TANGO6: variants seen among roughly 807,000 people sequenced by gnomAD.
TANGO6 encodes the protein transport and Golgi organization protein 6 homolog.
In TANGO6, 90 loss-of-function variants were observed where a neutral mutation model predicts 114.2. The ratio of observed to expected loss-of-function variants is 0.79; its 90% CI spans 0.66 to 0.94. The LOEUF is 0.94. TANGO6 is among the 40% of genes least tolerant of loss of function. The probability of loss-of-function intolerance (pLI) is 0.00; values close to 1 mark genes in which losing one functional copy is unlikely to be tolerated. For synonymous variants in TANGO6, 477 were observed against 509.8 expected, an observed-to-expected ratio of 0.94 and a Z score of 0.87; for missense variants, 1,274 against 1,315.3, an observed-to-expected ratio of 0.97 and a Z score of 0.49.
chr16:68,922,260 G>A (rs1348290624), intron 12 of TANGO6, among the ~76,000 whole-genome samples: 7 of 151,676 alleles, frequency 4.6e-5, no homozygotes, highest in Non-Finnish European at 7.4e-5. Context: ...AAAAAAGGCC[G>A]GGCGCGGTGG....
chr16:68,979,226 A>G (rs1243888294), intron 15 of TANGO6, among the ~76,000 whole-genome samples: 1 of 151,564 alleles, frequency 6.6e-6, no homozygotes, highest in African/African-American at 2.4e-5. Flanking sequence ...AGCCTGAAGT[A>G]TATGAATTTT....
intron 14 of TANGO6, among the ~76,000 whole-genome samples, chr16:68,962,245 TAAC>T (rs1410648758): frequency 6.6e-6 from 1 of 152,196 alleles, no homozygotes; most frequent in African/African-American, 2.4e-5. Context: ...CTCACATACG[TAAC>T]AACTGAAGTA....
chr16:69,030,107 C>CAAA (rs529117472), intron 16 of TANGO6, among the ~76,000 whole-genome samples: 15 of 62,470 alleles, frequency 2.4e-4, no homozygotes, highest in African/African-American at 8.2e-4. Context: ...GACTCTGACT[C>CAAA]AAAAAAAAAA....
At chr16:68,953,409 T>C (rs1168148838) in intron 14 of TANGO6, among the ~76,000 whole-genome samples, 1 of 152,158 alleles carries the variant, frequency 6.6e-6, no homozygotes, top group East Asian at 1.9e-4. Flanking sequence ...AGCACTGCTA[T>C]GTTTGAGGGT....
chr16:69,082,051 T>C (rs1315890372), intron 17 of TANGO6, among the ~76,000 whole-genome samples: 4 of 152,116 alleles, frequency 2.6e-5, no homozygotes, highest in Non-Finnish European at 4.4e-5. Context: ...CTCGGCTCAC[T>C]GGGCTCACTG....
chr16:69,004,833 G>A (rs957773402), intron 15 of TANGO6, among the ~76,000 whole-genome samples: 8 of 152,098 alleles, frequency 5.3e-5, no homozygotes, highest in East Asian at 3.8e-4. Flanking sequence ...CTTTCTATCC[G>A]GTTGTCTCCC....
intron 17 of TANGO6, among the ~76,000 whole-genome samples, chr16:69,065,126 G>C (rs1429650249): frequency 2.6e-5 from 4 of 152,186 alleles, no homozygotes; most frequent in Non-Finnish European, 5.9e-5. Context: ...TGGGGGTGTA[G>C]GAAAGCTGCC....
intron 14 of TANGO6, among the ~76,000 whole-genome samples, chr16:68,968,211 G>A (rs765228258): frequency 6.6e-5 from 10 of 150,822 alleles, no homozygotes; most frequent in African/African-American, 1.2e-4. Context: ...GACTACAGGC[G>A]CACGCCACCA....
chr16:69,001,714 C>A (rs1210118539), intron 15 of TANGO6, among the ~76,000 whole-genome samples: 2 of 152,192 alleles, frequency 1.3e-5, no homozygotes, highest in Non-Finnish European at 2.9e-5. Flanking sequence ...ACCATGGGAC[C>A]AGACAATGCA....
chr16:69,043,982 G>A lies in TANGO6; in HGVS notation c.3108+3561G>A, dbSNP rs186152499. Reference sequence around the variant, plus strand: ...GGAAACATCAACGCCCCTAACTCATGAGGCAGTTTTTACCTCTTTCCCATT... The same window carrying A: ...GGAAACATCAACGCCCCTAACTCATAAGGCAGTTTTTACCTCTTTCCCATT... On this transcript the variant is annotated intron_variant, in intron 17 of 17. Coordinates refer to ENST00000261778, the MANE Select transcript of TANGO6 (RefSeq NM_024562.2). Among the ~76,000 whole-genome samples the A allele has an allele frequency of 8.5e-5, 13 of 152,326 alleles. No individual in the cohort carries two copies. The East Asian group carries it at 2.1e-3, about 25-fold the overall frequency.
intron 7 of TANGO6, among the ~76,000 whole-genome samples, chr16:68,895,697 T>A (rs1962694509): frequency 6.6e-6 from 1 of 152,220 alleles, no homozygotes; most frequent in Non-Finnish European, 1.5e-5. Context: ...GGCAGGCTTA[T>A]GGAGGAGGCA....
intron 17 of TANGO6, among the ~76,000 whole-genome samples, chr16:69,045,960 A>AGGCT (rs1198315079): frequency 1.3e-5 from 2 of 148,678 alleles, no homozygotes; most frequent in Non-Finnish European, 3.0e-5. Context: ...GCTACTCAGG[A>AGGCT]GGCTGAGGCA....
chr16:69,069,911 A>T (rs1960270769), intron 17 of TANGO6, among the ~76,000 whole-genome samples: 1 of 152,110 alleles, frequency 6.6e-6, no homozygotes, highest in African/African-American at 2.4e-5. Context: ...GTTTATTAAG[A>T]AAATAAAGTA....
chr16:69,012,682 A>C (rs2152224690), intron 15 of TANGO6, among the ~76,000 whole-genome samples: 1 of 152,046 alleles, frequency 6.6e-6, no homozygotes. Flanking sequence ...TCTGTAATGA[A>C]TGCTTTCTGA....
At chr16:68,973,478 G>A (rs2152212816) in intron 14 of TANGO6, among the ~76,000 whole-genome samples, 1 of 152,258 alleles carries the variant, frequency 6.6e-6, no homozygotes, top group Non-Finnish European at 1.5e-5. Context: ...AGGTTGCTGA[G>A]TATGGGGCTG....
chr16:69,051,946 C>CTTTTTTTTTTTTTTTTTTT (rs35401100), intron 17 of TANGO6, among the ~76,000 whole-genome samples: 1 of 135,334 alleles, frequency 7.4e-6, no homozygotes, highest in Non-Finnish European at 1.6e-5. Context: ...CTTTCTTTTT[C>CTTTTTTTTTTTTTTTTTTT]TTTTTTTTTT....
At chr16:68,889,047 C>T (rs1962577323) in intron 7 of TANGO6, among the ~76,000 whole-genome samples, 1 of 152,206 alleles carries the variant, frequency 6.6e-6, no homozygotes, top group Non-Finnish European at 1.5e-5. Context: ...TGTTCTCGAA[C>T]TCCTGACCTC....
At chr16:68,844,384 C>T (rs1961771353) in intron 1 of TANGO6, among the ~76,000 whole-genome samples, 1 of 152,074 alleles carries the variant, frequency 6.6e-6, no homozygotes, top group African/African-American at 2.4e-5. Flanking sequence ...GGACCTAGGC[C>T]CGAGATCTAC....
intron 17 of TANGO6, among the ~76,000 whole-genome samples, chr16:69,067,635 T>C (rs1229419874): frequency 6.8e-6 from 1 of 146,758 alleles, no homozygotes; most frequent in Non-Finnish European, 1.5e-5. Flanking sequence ...CTGGGCAACA[T>C]GGTGAAACCC....
Sources: gnomAD v4.1 joint callset for allele counts (sites outside exome capture counted in the v4.1 genomes callset) on GRCh38, gnomAD v4.1.1 for gene constraint, MANE v1.5 for transcripts, NCBI Gene and HGNC (gene_info 2026-07-23, HGNC 2026-07-21) for gene names.